CAMK2D: variants seen among roughly 807,000 people sequenced by gnomAD.
CAMK2D encodes calcium/calmodulin dependent protein kinase II delta, also known as calcium/calmodulin-dependent protein kinase type II subunit delta.
CAMK2D carries 37 observed loss-of-function variants against 84.0 expected under a neutral mutation model. The ratio of observed to expected loss-of-function variants is 0.44; its 90% CI spans 0.34 to 0.58. The LOEUF (loss-of-function observed/expected upper bound fraction) is 0.58. Ranked by LOEUF, CAMK2D falls within the 20% of genes least tolerant of loss-of-function variation. CAMK2D has a pLI of 0.02. For synonymous variants in CAMK2D, 202 were observed against 212.5 expected, an observed-to-expected ratio of 0.95 and a Z score of 0.43; for missense variants, 448 against 652.5, an observed-to-expected ratio of 0.69 and a Z score of 3.41.
At chr4:113,467,260 CT>C (rs1438571172) in intron 16 of CAMK2D, among the ~76,000 whole-genome samples, 2 of 152,112 alleles carry the variant, frequency 1.3e-5, no homozygotes, top group Non-Finnish European at 2.9e-5. Context: ...AGGTTTTATT[CT>C]TTATTGACTA....
chr4:113,683,200 G>A (rs945045280), intron 2 of CAMK2D, among the ~76,000 whole-genome samples: 4 of 152,118 alleles, frequency 2.6e-5, no homozygotes, highest in Admixed American at 6.5e-5. Flanking sequence ...TAGGCTGTGT[G>A]CACTTATTTT....
At chr4:113,563,830 T>A (rs2098710082) in intron 4 of CAMK2D, among the ~76,000 whole-genome samples, 1 of 152,208 alleles carries the variant, frequency 6.6e-6, no homozygotes, top group South Asian at 2.1e-4. Flanking sequence ...CGGCACAGTA[T>A]CCTATCCCAC....
chr4:113,496,608 C>A (rs2097937152), intron 16 of CAMK2D, among the ~76,000 whole-genome samples: 1 of 151,950 alleles, frequency 6.6e-6, no homozygotes, highest in Admixed American at 6.6e-5. Flanking sequence ...ACCACAGTGC[C>A]CAGCTAATTT....
At chr4:113,548,754 GA>G in intron 5 of CAMK2D, 2 of 1,210,332 alleles carry the variant, frequency 1.7e-6, no homozygotes, top group Non-Finnish European at 2.4e-6. Flanking sequence ...GGGCAGAATG[GA>G]AGGGAGAACA....
chr4:113,451,348 C>T lies in CAMK2D; in HGVS notation c.*3197G>A, dbSNP rs12511604. ...AACAAGAGTTGTATACCCTCGTGAG[C>T]AAAGAATAATAACAATAGGAATATT... On this transcript the variant is annotated 3_prime_UTR_variant, in exon 21 of 21. Transcript: ENST00000511664. 0.79 allele frequency: 119,779 copies of T among 152,104 alleles called. 48,155 individuals are homozygous for T. Among genetic ancestry groups the T allele is most frequent in the African/African-American group, 0.95 (39,500 of 41,532 alleles). 9.4% of individuals were successfully genotyped at this position (152,104 alleles called of 1,614,324 possible). A position where few individuals can be genotyped will look rare whatever the true frequency, so the allele number is the denominator to read the frequency against.
intron 4 of CAMK2D, among the ~76,000 whole-genome samples, chr4:113,603,368 C>T (rs71582189): frequency 8.7e-6 from 1 of 114,490 alleles, no homozygotes; most frequent in Non-Finnish European, 1.8e-5. Context: ...CCCCCTCCCC[C>T]CTCCCCCCAC....
chr4:113,491,600 T>A (rs1250499489), intron 16 of CAMK2D, among the ~76,000 whole-genome samples: 1 of 152,156 alleles, frequency 6.6e-6, no homozygotes. Flanking sequence ...TGGTCTAAAA[T>A]TCTCTTTTTT....
At chr4:113,734,626 A>T (rs1005613118) in intron 2 of CAMK2D, among the ~76,000 whole-genome samples, 2 of 150,844 alleles carry the variant, frequency 1.3e-5, no homozygotes, top group Non-Finnish European at 2.9e-5. Flanking sequence ...CTAATGCCCA[A>T]GCAGCTTCCT....
intron 4 of CAMK2D, among the ~76,000 whole-genome samples, chr4:113,593,534 G>A (rs1392341503): frequency 6.6e-6 from 1 of 152,210 alleles, no homozygotes; most frequent in Non-Finnish European, 1.5e-5. Flanking sequence ...TCACACTTCT[G>A]TGAGTTTTAC....
chr4:113,718,069 C>G (rs1207047831), intron 2 of CAMK2D, among the ~76,000 whole-genome samples: 1 of 151,860 alleles, frequency 6.6e-6, no homozygotes, highest in Non-Finnish European at 1.5e-5. Flanking sequence ...TTATAACTGC[C>G]CAATGGGTTT....
intron 2 of CAMK2D, among the ~76,000 whole-genome samples, chr4:113,699,151 A>C (rs1001277751): frequency 6.6e-6 from 1 of 152,158 alleles, no homozygotes; most frequent in Non-Finnish European, 1.5e-5. Flanking sequence ...TGAGGAGCCA[A>C]CCTGAACAGA....
At chr4:113,662,113 C>T (rs1024190840) in intron 2 of CAMK2D, among the ~76,000 whole-genome samples, 2 of 151,998 alleles carry the variant, frequency 1.3e-5, no homozygotes, top group African/African-American at 2.4e-5. Context: ...ATAGACATAC[C>T]AATTTAGAGC....
intron 3 of CAMK2D, among the ~76,000 whole-genome samples, chr4:113,628,157 A>T (rs1234741669): frequency 6.6e-6 from 1 of 152,150 alleles, no homozygotes; most frequent in African/African-American, 2.4e-5. Context: ...TAATCAATCT[A>T]CTTTATAAGT....
chr4:113,643,328 A>G (rs2099139534), intron 3 of CAMK2D, among the ~76,000 whole-genome samples: 1 of 152,202 alleles, frequency 6.6e-6, no homozygotes, highest in Non-Finnish European at 1.5e-5. Flanking sequence ...GAGAGTTGGG[A>G]GGATAAAAGG....
At chr4:113,494,534 T>C (rs969820684) in intron 16 of CAMK2D, among the ~76,000 whole-genome samples, 5 of 152,196 alleles carry the variant, frequency 3.3e-5, no homozygotes, top group Admixed American at 2.6e-4. Context: ...GAACCACTGC[T>C]CTCTTCAAAG....
intron 2 of CAMK2D, among the ~76,000 whole-genome samples, chr4:113,710,472 C>T (rs2154354418): frequency 6.6e-6 from 1 of 152,280 alleles, no homozygotes; most frequent in Middle Eastern, 3.4e-3. Context: ...CTTTGGCACA[C>T]ACCTGGAACT....
In CAMK2D at chr4:113,721,461, A is replaced by G. The variant is rs530677951; in HGVS notation, c.160+37859T>C. ...AACCTGAGGACTGGGAAATTCTACA[A>G]CCAATTGTGTCACTAATACAATATG... On this transcript the variant is annotated intron_variant, in intron 2 of 20. Coordinates refer to ENST00000511664, the MANE Select transcript of CAMK2D (RefSeq NM_001321571.2). Among the ~76,000 whole-genome samples, 9 of 152,224 alleles carry G rather than the reference A, an allele frequency of 5.9e-5. No homozygotes were observed. The East Asian group carries it at 1.7e-3, about 29-fold the overall frequency.
At chr4:113,574,754 C>T (rs561621394) in intron 4 of CAMK2D, among the ~76,000 whole-genome samples, 49 of 152,282 alleles carry the variant, frequency 3.2e-4, no homozygotes, top group African/African-American at 1.0e-3. Flanking sequence ...TCTCTGTTGA[C>T]GTCAGTGGAA....
intron 2 of CAMK2D, among the ~76,000 whole-genome samples, chr4:113,692,730 TCATA>T (rs767624527): frequency 4.6e-5 from 7 of 150,772 alleles, no homozygotes; most frequent in African/African-American, 7.3e-5. Context: ...ATACATATAT[TCATA>T]CATACATATT....
Sources: allele counts gnomAD v4.1 joint callset (sites outside exome capture counted in the v4.1 genomes callset), GRCh38; gene constraint gnomAD v4.1.1; transcripts MANE v1.5; gene names NCBI Gene and HGNC (gene_info 2026-07-23, HGNC 2026-07-21).